CDR2L: variants seen among roughly 807,000 people sequenced by gnomAD.
CDR2L encodes cerebellar degeneration related protein 2 like.
A neutral mutation model predicts 36.1 loss-of-function variants in CDR2L; 19 were observed. That is an observed-to-expected ratio of 0.53 (90% CI 0.37 to 0.77). The LOEUF is 0.77. Among genes scored for constraint, CDR2L ranks in the 30% least tolerant of loss-of-function variants. CDR2L has a pLI of 0.00. For synonymous variants in CDR2L, 285 were observed against 280.4 expected (o/e 1.02, Z -0.16); for missense variants, 575 against 627.2 (o/e 0.92, Z 0.89).
rs564503953 is a variant in CDR2L, at chr17:75,004,729, G to A, written c.*655G>A. The A allele has an allele frequency of 2.0e-5, 3 of 152,726 alleles. No individual in the cohort carries two copies. Among genetic ancestry groups the A allele is most frequent in the African/African-American group, 7.2e-5 (3 of 41,560 alleles). 9.5% of individuals were successfully genotyped at this position (152,726 alleles called of 1,614,324 possible). A position where few individuals can be genotyped will look rare whatever the true frequency, so the allele number is the denominator to read the frequency against. ...CCTGCCAGGGACAGGTTTCTCCCTG[G>A]ATACTCTTGGCCCACCGCAGATCTG... On this transcript the variant is annotated 3_prime_UTR_variant, in exon 5 of 5. Coordinates refer to ENST00000337231, the MANE Select transcript of CDR2L (RefSeq NM_014603.3).
rs61110164 is a variant in CDR2L, at chr17:74,989,410, AAC to A, written c.79+1324_79+1325del. Among the ~76,000 whole-genome samples, 1,506 of 130,754 alleles carry A rather than the reference AAC, an allele frequency of 0.012. 16 individuals carry two copies. The highest frequency in any genetic ancestry group is 0.017 in the Non-Finnish European group (1,061 of 62,722). 85.8% of individuals were successfully genotyped at this position (130,754 alleles called of 152,430 possible). On this transcript the variant is annotated intron_variant, in intron 1 of 4. Coordinates refer to ENST00000337231, the MANE Select transcript of CDR2L (RefSeq NM_014603.3). This position sits in a 1 kb window ranked among gnomAD's most constrained non-coding sequence, Gnocchi z 4.2. Reference sequence around the variant, plus strand: ...CTGAAATGAGATACAGCTCCTCTCAAACACACACACACACACACACACACACA... The same window carrying A: ...CTGAAATGAGATACAGCTCCTCTCAAACACACACACACACACACACACACA...
At chr17:74,994,038 A>G (rs1159419601) in intron 1 of CDR2L, among the ~76,000 whole-genome samples, 1 of 152,146 alleles carries the variant, frequency 6.6e-6, no homozygotes, top group East Asian at 1.9e-4. Context: ...TCAGCTGCCC[A>G]CCAAGAGTCA....
Position 75,003,798 on chromosome 17 carries a change from C to T in CDR2L, c.1122C>T (p.Cys374=). Residue 374 remains cysteine (C), a synonymous_variant, in exon 5 of 5, where the codon TGC becomes TGT. Coordinates refer to ENST00000337231, the MANE Select transcript of CDR2L (RefSeq NM_014603.3). ...LEKYEELLSK[C]RQHGAGVRHA... ...AGTACGAGGAGCTGCTGAGCAAGTG[C>T]CGGCAGCACGGGGCCGGAGTGCGGC... 1 of 1,533,846 alleles carries T rather than the reference C, an allele frequency of 6.5e-7. No homozygotes were observed. The highest frequency in any genetic ancestry group is 8.8e-7 in the Non-Finnish European group (1 of 1,138,426).
At chr17:74,994,605 T>G (rs1475581953) in intron 1 of CDR2L, among the ~76,000 whole-genome samples, 1 of 152,224 alleles carries the variant, frequency 6.6e-6, no homozygotes, top group Non-Finnish European at 1.5e-5. Context: ...ACAAAGTTAA[T>G]TAGTTTCATT....
Position 74,988,135 on chromosome 17 carries a change from G to A in CDR2L, c.79+13G>A, listed in dbSNP as rs1416643623. 6.6e-6 allele frequency: 10 copies of A among 1,521,124 alleles called. No homozygotes were observed. The highest frequency in any genetic ancestry group is 4.3e-5 in the Admixed American group (2 of 46,412). The allele number at this position is 1,521,124 out of a possible 1,614,324, so 94.2% of individuals were successfully genotyped here. A position where few individuals can be genotyped will look rare whatever the true frequency, so the allele number is the denominator to read the frequency against. On this transcript the variant is annotated intron_variant, in intron 1 of 4. Transcript: ENST00000337231. ...GACCTGGAGCAGGGTGAGCGCGGGG[G>A]CGACCGGGACAGGAAGGCGGGGAGC...
Position 75,001,945 on chromosome 17 carries a change from C to T in CDR2L, c.342-119C>T, listed in dbSNP as rs2039869433. The T allele has an allele frequency of 1.9e-5, 16 of 845,566 alleles. 1 individual carries two copies. The highest frequency in any genetic ancestry group is 2.5e-5 in the Non-Finnish European group (14 of 563,254). 52.4% of individuals were successfully genotyped at this position (845,566 alleles called of 1,614,324 possible). On this transcript the variant is annotated intron_variant, in intron 3 of 4. Coordinates refer to ENST00000337231, the MANE Select transcript of CDR2L (RefSeq NM_014603.3). ...CCTACCTCAGGACCAGACAGCGGCT[C>T]AAGGGTACCTGTCTGCCTCCTACCC...
chr17:75,001,553 G>T, intron 3 of CDR2L, 64 bp downstream of exon 3: 1 of 1,395,820 alleles, frequency 7.2e-7, no homozygotes, highest in Admixed American at 2.9e-5. Context: ...GTGTACACAG[G>T]GGCCCATGGA....
intron 1 of CDR2L, 55 bp downstream of exon 1, chr17:74,988,177 C>A: frequency 2.3e-6 from 3 of 1,299,264 alleles, no homozygotes; most frequent in South Asian, 1.4e-5. Context: ...TGACCCCTGT[C>A]CGCTTCTCCA....
chr17:74,998,167 G>A (rs1243177138), intron 1 of CDR2L, among the ~76,000 whole-genome samples: 1 of 152,040 alleles, frequency 6.6e-6, no homozygotes, highest in Non-Finnish European at 1.5e-5. Flanking sequence ...GGAGGTTGCA[G>A]TGAGCCAAGA....
At chr17:74,993,885 T>C (rs2144858399) in intron 1 of CDR2L, among the ~76,000 whole-genome samples, 1 of 152,342 alleles carries the variant, frequency 6.6e-6, no homozygotes, top group Admixed American at 6.5e-5. Flanking sequence ...CTCACCTCTG[T>C]GCACAGGATC....
chr17:75,000,589 C>A lies in CDR2L; in HGVS notation c.193-752C>A, dbSNP rs568603480. Among the ~76,000 whole-genome samples the A allele has an allele frequency of 2.1e-5, 3 of 140,658 alleles. No individual in the cohort carries two copies. In the South Asian group the frequency reaches 7.2e-4, roughly 34 times the overall value. The allele number at this position is 140,658 out of a possible 152,430, so 92.3% of individuals were successfully genotyped here. On this transcript the variant is annotated intron_variant, in intron 2 of 4. Coordinates refer to ENST00000337231, the MANE Select transcript of CDR2L (RefSeq NM_014603.3). ...CTGAGATTACAGGTGTGAGCCATCA[C>A]GCCGGGCATAAAAAAGATTTTAGAA...
intron 1 of CDR2L, among the ~76,000 whole-genome samples, chr17:74,991,545 G>C (rs1418366440): frequency 6.6e-6 from 1 of 150,934 alleles, no homozygotes; most frequent in Non-Finnish European, 1.5e-5. Flanking sequence ...GTGAAACCCC[G>C]TCTCTACTAA....
intron 1 of CDR2L, among the ~76,000 whole-genome samples, chr17:74,993,996 C>A (rs1186537704): frequency 6.6e-6 from 1 of 152,186 alleles, no homozygotes; most frequent in Non-Finnish European, 1.5e-5. Flanking sequence ...CAGTTCTGCC[C>A]CCAGCTTGGC....
At chr17:74,988,146 A>C (rs1298067922) in intron 1 of CDR2L, 24 bp downstream of exon 1, 20 of 1,477,668 alleles carry the variant, frequency 1.4e-5, no homozygotes, top group Admixed American at 2.5e-5. Context: ...CGACCGGGAC[A>C]GGAAGGCGGG....
chr17:75,003,255 G>A lies in CDR2L; in HGVS notation c.579G>A (p.Glu193=), dbSNP rs185780458. ...LGPRPLEQEN[E]RLQTLVGALR... is the part of the protein sequence containing the mutation. The stretch of plus-strand genomic sequence containing the variant: ...CGCGGCCCCTGGAGCAGGAGAACGA[G>A]CGGCTGCAGACCCTGGTGGGGGCGC... Residue 193 remains glutamate, a synonymous_variant, in exon 5 of 5, where the codon GAG becomes GAA. Transcript: ENST00000337231. The A allele has an allele frequency of 1.8e-4, 282 of 1,561,004 alleles. 2 individuals carry two copies. The African/African-American group carries it at 3.6e-3, about 20-fold the overall frequency.
At position 74,989,866 on chromosome 17, in the gene CDR2L, T is replaced by C. The variant is rs2144854769; in HGVS notation, c.79+1744T>C. Among the ~76,000 whole-genome samples, 1 of 152,256 alleles carries C rather than the reference T, an allele frequency of 6.6e-6. No individual in the cohort carries two copies. Among genetic ancestry groups the C allele is most frequent in the South Asian group, 2.1e-4 (1 of 4,822 alleles). ...GTTGGCCAGGCTGCTCTCAAACTCC[T>C]GACCTCAGATGATCCACCCGCCTTG... On this transcript the variant is annotated intron_variant, in intron 1 of 4. Coordinates refer to ENST00000337231, the MANE Select transcript of CDR2L (RefSeq NM_014603.3). The surrounding 1 kb of genome is among the most constrained non-coding windows in gnomAD (Gnocchi z 4.2).
At chr17:75,000,710 C>A (rs1379501619) in intron 2 of CDR2L, among the ~76,000 whole-genome samples, 1 of 149,672 alleles carries the variant, frequency 6.7e-6, no homozygotes, top group Admixed American at 6.6e-5. Context: ...GTCAGGAGAT[C>A]GAGACCATCC....
rs370704252 is a variant in CDR2L at position 74,990,307 on chromosome 17, A to G, written c.79+2185A>G. On this transcript the variant is annotated intron_variant, in intron 1 of 4. Coordinates refer to ENST00000337231, the MANE Select transcript of CDR2L (RefSeq NM_014603.3). The stretch of plus-strand genomic sequence containing the variant: ...GCTGTTGGCCTGGCCTGGCAGCTCC[A>G]ATGGTAGCCAAAGGCCAGGAACCAG... Among the ~76,000 whole-genome samples the G allele has an allele frequency of 2.3e-4, 35 of 152,306 alleles. No individual in the cohort carries two copies. The East Asian group carries it at 5.6e-3, about 24-fold the overall frequency.
chr17:75,001,586 G>A (rs906973177), intron 3 of CDR2L, 97 bp downstream of exon 3: 61 of 1,126,724 alleles, frequency 5.4e-5, no homozygotes, highest in African/African-American at 4.7e-5. Context: ...ACTTGTGCAC[G>A]TCTCCCTAGG....
Sources: gnomAD v4.1 joint callset for allele counts (sites outside exome capture counted in the v4.1 genomes callset) on GRCh38, gnomAD v4.1.1 for gene constraint, Gnocchi (gnomAD v3.1) non-coding constraint, MANE v1.5 for transcripts, NCBI Gene and HGNC (gene_info 2026-07-23, HGNC 2026-07-21) for gene names.